Variants in ARL15 observed in about 807,000 individuals in gnomAD.
ARL15 encodes the protein ADP-ribosylation factor-like protein 15.
In ARL15, 19 loss-of-function variants were observed where a neutral mutation model predicts 25.2. The observed-to-expected ratio is 0.75, with a 90% CI of 0.53 to 1.10. ARL15 has a LOEUF of 1.10. Ranked by LOEUF, ARL15 falls within the 50% of genes least tolerant of loss-of-function variation. ARL15 has a pLI of 0.00. For missense variants in ARL15, 220 were observed against 246.0 expected, an observed-to-expected ratio of 0.89 and a Z score of 0.71; for synonymous variants, 94 against 86.8, an observed-to-expected ratio of 1.08 and a Z score of -0.46.
At chr5:54,125,075 G>GTTTTTTTTTTTTTTTTTTTTTTTT (rs774608441) in intron 3 of ARL15, among the ~76,000 whole-genome samples, 1 of 134,968 alleles carries the variant, frequency 7.4e-6, no homozygotes. Flanking sequence ...TTTTTGTTTT[G>GTTTTTTTTTTTTTTTTTTTTTTTT]TTTTGTTTTG....
chr5:54,045,642 CT>C (rs1462016819), intron 4 of ARL15, among the ~76,000 whole-genome samples: 2 of 150,570 alleles, frequency 1.3e-5, no homozygotes, highest in African/African-American at 4.9e-5. Flanking sequence ...TCATTTTTGG[CT>C]GTCTAATCTT....
intron 4 of ARL15, among the ~76,000 whole-genome samples, chr5:54,010,707 T>TA (rs575650104): frequency 2.6e-5 from 4 of 152,046 alleles, no homozygotes; most frequent in East Asian, 3.9e-4. Flanking sequence ...ATCAGTAAAA[T>TA]AAAAAAAATT....
intron 1 of ARL15, among the ~76,000 whole-genome samples, chr5:54,257,751 A>G (rs971900735): frequency 2.0e-5 from 3 of 152,198 alleles, no homozygotes; most frequent in Admixed American, 2.0e-4. Flanking sequence ...GTTGGTGAAT[A>G]CCACCTGCAT....
At chr5:54,304,866 A>G (rs2112720986) in intron 1 of ARL15, among the ~76,000 whole-genome samples, 1 of 152,350 alleles carries the variant, frequency 6.6e-6, no homozygotes, top group African/African-American at 2.4e-5. Flanking sequence ...TTATCAATAA[A>G]GAAGTTCAGT....
intron 1 of ARL15, among the ~76,000 whole-genome samples, chr5:54,173,380 G>A (rs2112406360): frequency 6.6e-6 from 1 of 152,154 alleles, no homozygotes; most frequent in Non-Finnish European, 1.5e-5. Flanking sequence ...GGGGGAGACA[G>A]GGAGGAAAGA....
chr5:54,132,517 C>G (rs1407208080), intron 3 of ARL15, among the ~76,000 whole-genome samples: 1 of 151,848 alleles, frequency 6.6e-6, no homozygotes, highest in African/African-American at 2.4e-5. Flanking sequence ...GAGATACAAA[C>G]ATAAAGAATT....
intron 1 of ARL15, among the ~76,000 whole-genome samples, chr5:54,299,166 T>C (rs1292871286): frequency 6.6e-6 from 1 of 152,168 alleles, no homozygotes; most frequent in Non-Finnish European, 1.5e-5. Flanking sequence ...CCTCCAAAAG[T>C]GCTGAGATTA....
At position 54,171,806 on chromosome 5, in the gene ARL15, G is replaced by A. The variant is rs913370135; in HGVS notation, c.171C>T (p.Pro57=). 18 of 1,612,800 alleles carry A rather than the reference G, an allele frequency of 1.1e-5. No individual in the cohort carries two copies. The highest frequency in any genetic ancestry group is 6.7e-5 in the East Asian group (3 of 44,796). ...CACCTGTGGTCGACACGACGTTATCGGGGCTTTCACTGCAGAGTTTGGACA... is the reference window on the plus strand; with the variant it reads ...CACCTGTGGTCGACACGACGTTATCAGGGCTTTCACTGCAGAGTTTGGACA... ...SLLSKLCSES[P]DNVVSTTGFS... The change falls in exon 2 of 5, where the codon CCC becomes CCT. Residue 57 remains proline (P), a synonymous_variant. Transcript: ENST00000504924.
chr5:54,094,905 C>T (rs371751909), intron 4 of ARL15, among the ~76,000 whole-genome samples: 12 of 152,134 alleles, frequency 7.9e-5, no homozygotes, highest in African/African-American at 2.7e-4. Context: ...TGGATATTGC[C>T]GACTTGCTAA....
Position 54,005,730 on chromosome 5 carries a change from C to T in ARL15, c.462+107472G>A, listed in dbSNP as rs548665916. ...TACAGAAATTAGCCGGGCGTGGTGG[C>T]CGGCGCCTGTAGTCCCAGCTACTCG... On this transcript the variant is annotated intron_variant, in intron 4 of 4. Coordinates refer to ENST00000504924, the MANE Select transcript of ARL15 (RefSeq NM_019087.3). Among the ~76,000 whole-genome samples the T allele has an allele frequency of 8.9e-3, 1,355 of 151,942 alleles. 22 individuals are homozygous for T. The highest frequency in any genetic ancestry group is 0.03 in the African/African-American group (1,246 of 41,430).
At chr5:54,309,560 C>A (rs1397424541) in intron 1 of ARL15, among the ~76,000 whole-genome samples, 2 of 152,164 alleles carry the variant, frequency 1.3e-5, no homozygotes, top group Non-Finnish European at 2.9e-5. Context: ...GCGGTTCTGC[C>A]CAACATGGTA....
intron 4 of ARL15, among the ~76,000 whole-genome samples, chr5:54,031,421 C>T (rs1280318293): frequency 1.3e-5 from 2 of 152,124 alleles, no homozygotes; most frequent in African/African-American, 4.8e-5. Flanking sequence ...TTAAAGGAAA[C>T]ATTCAAGTTT....
At chr5:54,068,912 C>CT (rs1239552638) in intron 4 of ARL15, among the ~76,000 whole-genome samples, 1 of 152,174 alleles carries the variant, frequency 6.6e-6, no homozygotes, top group African/African-American at 2.4e-5. Flanking sequence ...CTTTAGGTAA[C>CT]TTAATAATGC....
chr5:54,063,898 T>C lies in ARL15; in HGVS notation c.462+49304A>G, dbSNP rs143801655. On this transcript the variant is annotated intron_variant, in intron 4 of 4. Coordinates refer to ENST00000504924, the MANE Select transcript of ARL15 (RefSeq NM_019087.3). ...TGTTAGCAAGCTTCTTTCTAAAACT[T>C]AGAAATTCTCCTTCTGATTCTGAGC... Among the ~76,000 whole-genome samples, 602 of 152,286 alleles carry C rather than the reference T, an allele frequency of 4.0e-3. 1 individual carries two copies. The highest frequency in any genetic ancestry group is 0.014 in the African/African-American group (579 of 41,550).
intron 4 of ARL15, among the ~76,000 whole-genome samples, chr5:53,889,892 A>C (rs1042127401): frequency 6.7e-6 from 1 of 149,568 alleles, no homozygotes; most frequent in African/African-American, 2.5e-5. Flanking sequence ...GGCTCACTGC[A>C]ACCTCTGCCT....
intron 4 of ARL15, among the ~76,000 whole-genome samples, chr5:53,950,447 G>A (rs1245866556): frequency 6.6e-6 from 1 of 152,092 alleles, no homozygotes; most frequent in East Asian, 1.9e-4. Flanking sequence ...GACAGAGGGG[G>A]AATCTGAGAA....
chr5:54,032,320 G>A (rs564967774), intron 4 of ARL15, among the ~76,000 whole-genome samples: 1 of 151,828 alleles, frequency 6.6e-6, no homozygotes, highest in South Asian at 2.1e-4. Context: ...TGCAACCTCC[G>A]CCTCCTGGGT....
At chr5:53,933,598 T>C (rs1173231843) in intron 4 of ARL15, among the ~76,000 whole-genome samples, 1 of 136,496 alleles carries the variant, frequency 7.3e-6, no homozygotes, top group Non-Finnish European at 1.5e-5. Flanking sequence ...TGAGCCAAGA[T>C]TGTGCCACTG....
At chr5:54,050,788 C>T (rs1750682055) in intron 4 of ARL15, among the ~76,000 whole-genome samples, 1 of 152,126 alleles carries the variant, frequency 6.6e-6, no homozygotes, top group South Asian at 2.1e-4. Flanking sequence ...CAGCTGTTCC[C>T]TTCTCTCTAT....
Sources: gnomAD v4.1 joint callset for allele counts (sites outside exome capture counted in the v4.1 genomes callset) on GRCh38, gnomAD v4.1.1 for gene constraint, MANE v1.5 for transcripts, NCBI Gene and HGNC (gene_info 2026-07-23, HGNC 2026-07-21) for gene names.